The following ABHD3 variants were observed in gnomAD, a reference collection of about 807,000 sequenced individuals.
ABHD3 encodes the protein abhydrolase domain containing 3, phospholipase, also known as phospholipase ABHD3.
Under a neutral mutation model 48.8 loss-of-function variants are expected in ABHD3, and 46 were observed. The ratio of observed to expected loss-of-function variants is 0.94; its 90% CI spans 0.74 to 1.20. ABHD3 has a LOEUF of 1.20. Among genes scored for constraint, ABHD3 ranks in the 50% most tolerant of loss-of-function variants. The pLI is 0.00. For missense variants in ABHD3, 490 were observed against 497.8 expected, an observed-to-expected ratio of 0.98 and a Z score of 0.15; for synonymous variants, 192 against 183.7, an observed-to-expected ratio of 1.04 and a Z score of -0.36.
intron 4 of ABHD3, among the ~76,000 whole-genome samples, chr18:21,667,671 G>A (rs2039665619): frequency 6.6e-6 from 1 of 151,952 alleles, no homozygotes; most frequent in Non-Finnish European, 1.5e-5. Flanking sequence ...CAATATTTCC[G>A]ATGGCTAACA....
Position 21,677,263 on chromosome 18 carries a change from T to C in ABHD3, c.555+6657A>G, listed in dbSNP as rs1405842482. On this transcript the variant is annotated intron_variant, in intron 4 of 8. Transcript: ENST00000289119. The stretch of plus-strand genomic sequence containing the variant: ...AGGCTGGCGTGCAGTGGCACAATCT[T>C]GGCTCACTGCAAGCTCCGCCTCCTG... Among the ~76,000 whole-genome samples, 4 of 152,172 alleles carry C rather than the reference T, an allele frequency of 2.6e-5. No individual in the cohort carries two copies. In the East Asian group the frequency reaches 7.8e-4, roughly 30 times the overall value.
chr18:21,680,835 CTTTT>C (rs1185920932), intron 4 of ABHD3, among the ~76,000 whole-genome samples: 2 of 147,862 alleles, frequency 1.4e-5, no homozygotes, highest in South Asian at 2.2e-4. Flanking sequence ...TTTGTTGTTT[CTTTT>C]TTTCTTTTTC....
chr18:21,698,987 G>A (rs530406701), intron 3 of ABHD3, among the ~76,000 whole-genome samples: 1 of 151,596 alleles, frequency 6.6e-6, no homozygotes, highest in Non-Finnish European at 1.5e-5. Flanking sequence ...AGACTGGAGT[G>A]TAGTGGCACG....
At chr18:21,671,086 C>T (rs752230916) in intron 4 of ABHD3, among the ~76,000 whole-genome samples, 1 of 152,162 alleles carries the variant, frequency 6.6e-6, no homozygotes, top group Admixed American at 6.6e-5. Flanking sequence ...TGTTCTCAAT[C>T]CTGCTAATTG....
chr18:21,676,491 A>G (rs146880304), intron 4 of ABHD3, among the ~76,000 whole-genome samples: 1,620 of 152,238 alleles, frequency 0.011, 22 homozygotes, highest in Non-Finnish European at 0.015. Context: ...CCTGGGTTCA[A>G]GTGATTCTCC....
chr18:21,670,011 C>T (rs935352352), intron 4 of ABHD3, among the ~76,000 whole-genome samples: 5 of 152,140 alleles, frequency 3.3e-5, no homozygotes, highest in Non-Finnish European at 5.9e-5. Context: ...CAGTTTATGG[C>T]TGTGGGCAAC....
intron 3 of ABHD3, among the ~76,000 whole-genome samples, chr18:21,695,318 T>C (rs552085560): frequency 1.3e-5 from 2 of 152,246 alleles, no homozygotes; most frequent in Admixed American, 6.5e-5. Context: ...GCGTGAGCCA[T>C]CATGCATGGC....
intron 4 of ABHD3, among the ~76,000 whole-genome samples, chr18:21,665,580 GC>G: frequency 6.6e-6 from 1 of 152,082 alleles, no homozygotes; most frequent in East Asian, 1.9e-4. Flanking sequence ...ACTTTGGGAG[GC>G]CAAGGCAGGT....
intron 5 of ABHD3, chr18:21,662,481 A>G (rs2039524221): frequency 6.6e-6 from 1 of 152,288 alleles, no homozygotes; most frequent in South Asian, 2.1e-4. Flanking sequence ...TGGGAGAGAG[A>G]GGGGAGGGGG....
At chr18:21,696,469 A>T (rs1457794573) in intron 3 of ABHD3, among the ~76,000 whole-genome samples, 1 of 152,056 alleles carries the variant, frequency 6.6e-6, no homozygotes, top group Non-Finnish European at 1.5e-5. Context: ...TTTTTGTTGT[A>T]GTACTGGAAA....
chr18:21,655,273 A>G (rs996734387), intron 8 of ABHD3, among the ~76,000 whole-genome samples: 1 of 150,838 alleles, frequency 6.6e-6, no homozygotes, highest in Non-Finnish European at 1.5e-5. Context: ...TTGAGGGGAA[A>G]GAGAGAAAAA....
chr18:21,655,375 C>T (rs866473507), intron 8 of ABHD3, among the ~76,000 whole-genome samples: 10 of 151,662 alleles, frequency 6.6e-5, no homozygotes, highest in Middle Eastern at 6.8e-3. Context: ...GCAACCTCCG[C>T]CTCCTGGTTC....
At chr18:21,699,803 G>A (rs1183367411) in intron 3 of ABHD3, among the ~76,000 whole-genome samples, 4 of 151,750 alleles carry the variant, frequency 2.6e-5, no homozygotes, top group Admixed American at 6.6e-5. Context: ...TCAGCCTCCC[G>A]AGTAACTGGG....
chr18:21,655,278 GAA>G (rs1264375662), intron 8 of ABHD3, among the ~76,000 whole-genome samples: 2 of 143,432 alleles, frequency 1.4e-5, no homozygotes, highest in Non-Finnish European at 3.0e-5. Flanking sequence ...GGGAAAGAGA[GAA>G]AAAGTTTTTT....
At chr18:21,658,838 G>GTT (rs564228924) in intron 6 of ABHD3, among the ~76,000 whole-genome samples, 42 of 136,634 alleles carry the variant, frequency 3.1e-4, no homozygotes, top group East Asian at 4.2e-4. Flanking sequence ...GGAGACAATA[G>GTT]TTTTTTTTTT....
At chr18:21,673,876 A>G (rs2039814051) in intron 4 of ABHD3, among the ~76,000 whole-genome samples, 1 of 152,116 alleles carries the variant, frequency 6.6e-6, no homozygotes. Flanking sequence ...AAGTGCTGGG[A>G]TTATAAGTGT....
chr18:21,702,251 T>C lies in ABHD3; in HGVS notation c.509+65A>G, dbSNP rs2040528927. The C allele has an allele frequency of 6.0e-6, 8 of 1,340,486 alleles. No homozygotes were observed. In the East Asian group the frequency reaches 7.4e-5, roughly 12 times the overall value. The allele number at this position is 1,340,486 out of a possible 1,614,324, so 83.0% of individuals were successfully genotyped here. A position where few individuals can be genotyped will look rare whatever the true frequency, so the allele number is the denominator to read the frequency against. Reference sequence around the variant, plus strand: ...GTACTAAGTATTTCTGAAACAAACATGTAGATATATTTGTACTTCATTTGG... The same window carrying C: ...GTACTAAGTATTTCTGAAACAAACACGTAGATATATTTGTACTTCATTTGG... On this transcript the variant is annotated intron_variant, in intron 3 of 8. Transcript: ENST00000289119.
intron 3 of ABHD3, among the ~76,000 whole-genome samples, chr18:21,691,730 T>C (rs1331805332): frequency 1.3e-5 from 2 of 152,234 alleles, no homozygotes; most frequent in African/African-American, 4.8e-5. Flanking sequence ...TTGCCTGTCA[T>C]GTCTTGAATT....
intron 3 of ABHD3, among the ~76,000 whole-genome samples, chr18:21,690,551 G>A (rs1375449401): frequency 1.3e-5 from 2 of 152,092 alleles, no homozygotes; most frequent in South Asian, 2.1e-4. Flanking sequence ...GCAGTGAGTC[G>A]AGATCATGCC....
Sources: gnomAD v4.1 joint callset for allele counts (sites outside exome capture counted in the v4.1 genomes callset) on GRCh38, gnomAD v4.1.1 for gene constraint, MANE v1.5 for transcripts, NCBI Gene and HGNC (gene_info 2026-07-23, HGNC 2026-07-21) for gene names.